The following RDX variants were observed in gnomAD, a reference collection of about 807,000 sequenced individuals.
RDX encodes the protein radixin.
In RDX, 32 loss-of-function variants were observed where a neutral mutation model predicts 83.7. The ratio of observed to expected loss-of-function variants is 0.38; its 90% confidence interval spans 0.29 to 0.51. The LOEUF is 0.51. Among genes scored for constraint, RDX ranks in the 20% least tolerant of loss-of-function variants. RDX has a pLI of 0.87. For synonymous variants in RDX, 229 were observed against 222.7 expected (o/e 1.03, Z -0.25); for missense variants, 600 against 689.9 (o/e 0.87, Z 1.46).
rs187685090 is a variant in RDX, at chr11:110,276,812, C to T, written c.12+2869G>A. Among the ~76,000 whole-genome samples, 15 of 152,112 alleles carry T rather than the reference C, an allele frequency of 9.9e-5. No individual in the cohort carries two copies. The East Asian group carries it at 2.3e-3, about 23-fold the overall frequency. On this transcript the variant is annotated intron_variant, in intron 2 of 13. Transcript: ENST00000645495. ...CCATAATTTTGACATCCTAAAAGCA[C>T]GGAAACCTGAAGATGAGTTAATTTT...
chr11:110,232,723 C>G (rs986631146), intron 13 of RDX, among the ~76,000 whole-genome samples: 1 of 152,078 alleles, frequency 6.6e-6, no homozygotes, highest in Admixed American at 6.6e-5. Flanking sequence ...CAGGTTCAAG[C>G]AATACCTCAG....
chr11:110,176,064 G>C (rs1039016953), intron 15 of RDX, among the ~76,000 whole-genome samples: 1 of 151,332 alleles, frequency 6.6e-6, no homozygotes, highest in Non-Finnish European at 1.5e-5. Context: ...ACCAGCACCA[G>C]CCTTTTTTTC....
chr11:110,194,323 G>A (rs756610557), intron 15 of RDX, among the ~76,000 whole-genome samples: 5 of 152,196 alleles, frequency 3.3e-5, no homozygotes, highest in Admixed American at 6.5e-5. Flanking sequence ...GGGTTCAAGC[G>A]ATTCTCCTGC....
In RDX at chr11:110,258,258, A is replaced by G. The variant is rs535467885; in HGVS notation, c.468-69T>C. 9 of 1,046,130 alleles carry G rather than the reference A, an allele frequency of 8.6e-6. No homozygotes were observed. In the South Asian group the frequency reaches 1.3e-4, roughly 15 times the overall value. The allele number at this position is 1,046,130 out of a possible 1,614,324, so 64.8% of individuals were successfully genotyped here. On this transcript the variant is annotated intron_variant, in intron 5 of 13. Transcript: ENST00000645495. ...TTCAAAAGCATACACTTTAAAAGTA[A>G]AGAATCCTTTCAGTAACTTGACTGT...
At chr11:110,281,959 C>A (rs867517963) in intron 1 of RDX, among the ~76,000 whole-genome samples, 63 of 125,628 alleles carry the variant, frequency 5.0e-4, no homozygotes, top group Middle Eastern at 3.8e-3. Context: ...AAAAAAAAAA[C>A]CAAACAAACA....
At chr11:110,194,024 G>A (rs956085756) in intron 15 of RDX, among the ~76,000 whole-genome samples, 133 of 152,368 alleles carry the variant, frequency 8.7e-4, no homozygotes, top group African/African-American at 2.8e-3. Flanking sequence ...GGAATTAGCT[G>A]TTGAAGGCAG....
intron 1 of RDX, among the ~76,000 whole-genome samples, chr11:110,295,898 C>T (rs1007800161): frequency 1.4e-4 from 22 of 152,194 alleles, no homozygotes; most frequent in African/African-American, 5.3e-4. Context: ...ACTGGCGCCC[C>T]AAAGCCTGTC....
chr11:110,274,340 CT>C (rs1860426051), intron 2 of RDX, among the ~76,000 whole-genome samples: 1 of 152,012 alleles, frequency 6.6e-6, no homozygotes, highest in Admixed American at 6.5e-5. Context: ...TATTATCTTG[CT>C]TTTAAAAAAA....
chr11:110,280,643 C>G (rs1860722996), intron 1 of RDX, among the ~76,000 whole-genome samples: 1 of 152,348 alleles, frequency 6.6e-6, no homozygotes, highest in African/African-American at 2.4e-5. Context: ...GCTCTGCACA[C>G]TAACAACCTG....
chr11:110,234,853 A>C (rs1565306046), intron 12 of RDX, among the ~76,000 whole-genome samples: 1 of 152,216 alleles, frequency 6.6e-6, no homozygotes, highest in Non-Finnish European at 1.5e-5. Context: ...TTTCTGTATA[A>C]GTACATTTTA....
chr11:110,262,871 A>G (rs1364523006), intron 5 of RDX, among the ~76,000 whole-genome samples: 1 of 152,156 alleles, frequency 6.6e-6, no homozygotes, highest in East Asian at 1.9e-4. Context: ...ATTTTTTCCT[A>G]TGCCATATTA....
At chr11:110,228,084 A>G (rs1346638437), downstream of RDX, among the ~76,000 whole-genome samples, 1 of 152,124 alleles carries the variant, frequency 6.6e-6, no homozygotes, top group Non-Finnish European at 1.5e-5. Flanking sequence ...GGTAGTTCTT[A>G]TATCTTGATA....
chr11:110,255,659 A>T (rs2134358463), intron 7 of RDX, among the ~76,000 whole-genome samples: 1 of 152,244 alleles, frequency 6.6e-6, no homozygotes, highest in Admixed American at 6.5e-5. Flanking sequence ...TGGTGACCCA[A>T]GTGTAGAACT....
At chr11:110,247,661 C>G (rs771854376) in intron 10 of RDX, 42 bp downstream of exon 10, 1 of 1,594,704 alleles carries the variant, frequency 6.3e-7, no homozygotes, top group Admixed American at 1.7e-5. Context: ...GACAACAGAG[C>G]AATAATAATT....
intron 5 of RDX, among the ~76,000 whole-genome samples, chr11:110,259,836 C>A (rs1181563763): frequency 6.6e-6 from 1 of 152,054 alleles, no homozygotes; most frequent in East Asian, 1.9e-4. Context: ...ATCAATTTTT[C>A]CCAACCCCTA....
intron 14 of RDX, among the ~76,000 whole-genome samples, chr11:110,220,809 C>CT (rs1864218829): frequency 6.8e-6 from 1 of 146,946 alleles, no homozygotes; most frequent in Admixed American, 6.9e-5. Context: ...CAGAGATTCT[C>CT]TTAATGCCTG....
chr11:110,273,684 T>C (rs1860392598), intron 2 of RDX, among the ~76,000 whole-genome samples: 1 of 152,264 alleles, frequency 6.6e-6, no homozygotes, highest in Non-Finnish European at 1.5e-5. Context: ...CATCTTCACC[T>C]AGAATTCTTC....
chr11:110,264,790 G>A lies in RDX; in HGVS notation c.181C>T (p.Leu61=), dbSNP rs12575547. The part of the protein sequence containing the change: ...DSKGYSTWLK[L]NKKVTQQDVK... ...CGTACATATTTTACCTTTTTATTTA[G>A]TTTAAGCCATGTAGAATAACCTTTG... Residue 61 remains leucine, a synonymous_variant, in exon 4 of 14, where the codon CTA becomes TTA. Transcript: ENST00000645495. The A allele has an allele frequency of 6.2e-7, 1 of 1,608,824 alleles. No homozygotes were observed. Among genetic ancestry groups the A allele is most frequent in the African/African-American group, 1.3e-5 (1 of 74,652 alleles).
intron 10 of RDX, among the ~76,000 whole-genome samples, chr11:110,243,411 G>A (rs1042109350): frequency 1.3e-5 from 2 of 152,086 alleles, no homozygotes; most frequent in African/African-American, 4.8e-5. Context: ...TCAAACACTA[G>A]TAACAGGAAT....
Sources: allele counts gnomAD v4.1 joint callset (sites outside exome capture counted in the v4.1 genomes callset), GRCh38; gene constraint gnomAD v4.1.1; transcripts MANE v1.5; gene names NCBI Gene and HGNC (gene_info 2026-07-23, HGNC 2026-07-21).